PTPRM: variants seen among roughly 807,000 people sequenced by gnomAD.
The protein encoded by PTPRM is receptor-type tyrosine-protein phosphatase mu.
Under a neutral mutation model 186.7 loss-of-function variants are expected in PTPRM, and 47 were observed. The observed-to-expected ratio is 0.25, with a 90% CI of 0.20 to 0.32. The LOEUF (loss-of-function observed/expected upper bound fraction) is 0.32, where lower values mean the gene tolerates loss of function less well. Among genes scored for constraint, PTPRM ranks in the 10% least tolerant of loss-of-function variants. PTPRM has a pLI of 1.00. For missense variants in PTPRM, 1,494 were observed against 1,865.0 expected (o/e 0.80, Z 3.66); for synonymous variants, 668 against 674.9 (o/e 0.99, Z 0.16).
At chr18:7,834,350 G>T (rs1329782475) in intron 2 of PTPRM, among the ~76,000 whole-genome samples, 1 of 148,902 alleles carries the variant, frequency 6.7e-6, no homozygotes. Context: ...GAGGATTGTT[G>T]CTTCAATATT....
chr18:8,007,080 T>A (rs1209540875), intron 7 of PTPRM, among the ~76,000 whole-genome samples: 4 of 152,196 alleles, frequency 2.6e-5, no homozygotes, highest in African/African-American at 9.6e-5. Flanking sequence ...TTTGCATAGC[T>A]TATCTAAACC....
In PTPRM at chr18:8,196,205, G is replaced by A. The variant is rs139390432; in HGVS notation, c.2301-47853G>A. Among the ~76,000 whole-genome samples, 813 of 152,302 alleles carry A rather than the reference G, an allele frequency of 5.3e-3. 7 individuals are homozygous for A. The highest frequency in any genetic ancestry group is 0.018 in the African/African-American group (757 of 41,558). On this transcript the variant is annotated intron_variant, in intron 14 of 32. Transcript: ENST00000580170. ...TGCCTCAGCATTTCTTAAGAACTCGGGGAGTGGGGCCTGTCACCTTAATCC... is the reference window on the plus strand; with the variant it reads ...TGCCTCAGCATTTCTTAAGAACTCGAGGAGTGGGGCCTGTCACCTTAATCC...
At chr18:7,803,074 A>T (rs1333754732) in intron 2 of PTPRM, among the ~76,000 whole-genome samples, 1 of 152,200 alleles carries the variant, frequency 6.6e-6, no homozygotes, top group Non-Finnish European at 1.5e-5. Flanking sequence ...GTAAGCATTT[A>T]TGGTGGGAGG....
chr18:7,839,511 C>G (rs746982263), intron 2 of PTPRM, among the ~76,000 whole-genome samples: 1 of 152,210 alleles, frequency 6.6e-6, no homozygotes, highest in Non-Finnish European at 1.5e-5. Context: ...GAAAGGGGGC[C>G]TCATGATTCT....
At chr18:7,960,476 TATATAC>T (rs3078310) in intron 7 of PTPRM, among the ~76,000 whole-genome samples, 29,919 of 110,516 alleles carry the variant, frequency 0.27, 3,488 homozygotes, top group Admixed American at 0.32. Context: ...TATATATATA[TATATAC>T]ACACACACAC....
At chr18:8,173,409 C>T (rs1314004386) in intron 14 of PTPRM, among the ~76,000 whole-genome samples, 7 of 152,266 alleles carry the variant, frequency 4.6e-5, no homozygotes, top group Non-Finnish European at 1.0e-4. Context: ...GTGTTAGAAT[C>T]GGGCCAGGGT....
At chr18:8,321,555 T>G (rs956582551) in intron 22 of PTPRM, among the ~76,000 whole-genome samples, 4 of 152,324 alleles carry the variant, frequency 2.6e-5, no homozygotes. Flanking sequence ...AATGAGCAAA[T>G]GTATTTGTAA....
At chr18:7,761,037 A>G (rs2041746144) in intron 1 of PTPRM, among the ~76,000 whole-genome samples, 1 of 152,194 alleles carries the variant, frequency 6.6e-6, no homozygotes, top group South Asian at 2.1e-4. Context: ...ATATTGAGTA[A>G]ACACTCAGTT....
chr18:8,235,277 T>C (rs1413558183), intron 14 of PTPRM, among the ~76,000 whole-genome samples: 1 of 152,068 alleles, frequency 6.6e-6, no homozygotes, highest in Non-Finnish European at 1.5e-5. Flanking sequence ...TGAGATTGTG[T>C]GTTTCTTCTT....
intron 7 of PTPRM, among the ~76,000 whole-genome samples, chr18:8,017,454 G>A (rs1043463009): frequency 6.6e-6 from 1 of 151,852 alleles, no homozygotes; most frequent in African/African-American, 2.4e-5. Flanking sequence ...GCGGTGACAT[G>A]CACCTGTAAT....
chr18:7,973,346 A>C (rs1014228930), intron 7 of PTPRM, among the ~76,000 whole-genome samples: 1 of 152,318 alleles, frequency 6.6e-6, no homozygotes, highest in East Asian at 1.9e-4. Flanking sequence ...GTTATGCTCT[A>C]CCAGCAAGGT....
chr18:7,915,953 G>C (rs1433176678), intron 4 of PTPRM, among the ~76,000 whole-genome samples: 2 of 152,122 alleles, frequency 1.3e-5, no homozygotes, highest in Non-Finnish European at 2.9e-5. Flanking sequence ...TCATGTTCTT[G>C]GAGAAATCTG....
At chr18:8,387,344 G>T in intron 31 of PTPRM, 109 bp downstream of exon 31, 1 of 1,185,906 alleles carries the variant, frequency 8.4e-7, no homozygotes, top group Non-Finnish European at 1.2e-6. Context: ...GAAATAAGTA[G>T]GTCTAGGTGA....
At chr18:8,279,664 A>G (rs1462582568) in intron 19 of PTPRM, among the ~76,000 whole-genome samples, 1 of 152,240 alleles carries the variant, frequency 6.6e-6, no homozygotes, top group Non-Finnish European at 1.5e-5. Flanking sequence ...GAACTCAGTG[A>G]TAACAACACC....
chr18:8,374,600 A>G (rs183672632), intron 24 of PTPRM, among the ~76,000 whole-genome samples: 1 of 152,296 alleles, frequency 6.6e-6, no homozygotes, highest in Admixed American at 6.5e-5. Context: ...TGGGCTCCTA[A>G]CCACCTAATC....
intron 4 of PTPRM, among the ~76,000 whole-genome samples, chr18:7,920,523 T>G (rs2050798176): frequency 6.6e-6 from 1 of 152,186 alleles, no homozygotes; most frequent in Non-Finnish European, 1.5e-5. Flanking sequence ...TTATGTTGTT[T>G]CAGTTTGCGT....
chr18:8,249,591 G>T (rs1396645443), intron 17 of PTPRM, among the ~76,000 whole-genome samples: 1 of 152,178 alleles, frequency 6.6e-6, no homozygotes, highest in African/African-American at 2.4e-5. Flanking sequence ...TCATTCTGAG[G>T]TTCCTCTAGT....
intron 7 of PTPRM, among the ~76,000 whole-genome samples, chr18:7,965,071 C>G (rs991709279): frequency 2.0e-5 from 2 of 99,716 alleles, no homozygotes; most frequent in Non-Finnish European, 3.9e-5. Context: ...GAGTTTCGCT[C>G]TTGTGTACCC....
At chr18:7,829,988 A>T (rs1047858912) in intron 2 of PTPRM, among the ~76,000 whole-genome samples, 3 of 152,178 alleles carry the variant, frequency 2.0e-5, no homozygotes, top group Non-Finnish European at 2.9e-5. Flanking sequence ...GTTTTTGGAA[A>T]GGATGTTCTA....
Sources: gnomAD v4.1 joint callset for allele counts (sites outside exome capture counted in the v4.1 genomes callset) on GRCh38, gnomAD v4.1.1 for gene constraint, MANE v1.5 for transcripts, NCBI Gene and HGNC (gene_info 2026-07-23, HGNC 2026-07-21) for gene names.